Variants in NFU1 observed in about 807,000 individuals in gnomAD.
NFU1 encodes NFU1 iron-sulfur cluster scaffold.
A neutral mutation model predicts 32.2 loss-of-function variants in NFU1; 30 were observed. The observed-to-expected ratio is 0.93, with a 90% CI of 0.70 to 1.26. The LOEUF is 1.26. NFU1 is among the 50% of genes most tolerant of loss of function. NFU1 has a pLI of 0.00. For missense variants in NFU1, 306 were observed against 306.6 expected, an observed-to-expected ratio of 1.00 and a Z score of 0.02; for synonymous variants, 112 against 104.6, an observed-to-expected ratio of 1.07 and a Z score of -0.43.
intron 2 of NFU1, among the ~76,000 whole-genome samples, chr2:69,427,974 G>A (rs1164556727): frequency 6.6e-6 from 1 of 152,118 alleles, no homozygotes; most frequent in African/African-American, 2.4e-5. Context: ...AGTGAACCAA[G>A]ATTGCGCCAT....
intron 3 of NFU1, among the ~76,000 whole-genome samples, chr2:69,420,975 G>A (rs1673219307): frequency 6.6e-6 from 1 of 152,106 alleles, no homozygotes; most frequent in Admixed American, 6.6e-5. Context: ...AAGCCGAGAA[G>A]GACAGAACAC....
At chr2:69,437,472 G>A, upstream of NFU1, 1 of 1,589,668 alleles carries the variant, frequency 6.3e-7, no homozygotes, top group Non-Finnish European at 8.5e-7. Flanking sequence ...CGAAAGATCT[G>A]CGCAGCCGCA....
intron 2 of NFU1, among the ~76,000 whole-genome samples, chr2:69,426,168 C>G (rs1333485159): frequency 6.6e-6 from 1 of 152,154 alleles, no homozygotes; most frequent in Non-Finnish European, 1.5e-5. Context: ...GAAGGGGTTT[C>G]ATCATGTTGG....
At chr2:69,399,747 A>G (rs1451388894) in intron 7 of NFU1, among the ~76,000 whole-genome samples, 2 of 152,236 alleles carry the variant, frequency 1.3e-5, no homozygotes, top group Non-Finnish European at 2.9e-5. Flanking sequence ...TCAGGGCAGC[A>G]ATATGCCCTC....
intron 6 of NFU1, among the ~76,000 whole-genome samples, chr2:69,402,675 G>A (rs55851539): frequency 0.13 from 19,804 of 151,766 alleles, 1,429 homozygotes; most frequent in Non-Finnish European, 0.16. Context: ...TCCGCCTCCC[G>A]GGTTCAAGGG....
chr2:69,433,465 A>G (rs1197848607), intron 1 of NFU1, among the ~76,000 whole-genome samples: 2 of 148,182 alleles, frequency 1.3e-5, no homozygotes, highest in African/African-American at 5.0e-5. Flanking sequence ...CAGGCATGAG[A>G]CACCACACCT....
chr2:69,427,123 C>CG (rs1284787281), intron 2 of NFU1, among the ~76,000 whole-genome samples: 6 of 150,938 alleles, frequency 4.0e-5, no homozygotes, highest in African/African-American at 1.5e-4. Flanking sequence ...TGGTGGCTCA[C>CG]GCCTATAATC....
At chr2:69,438,620 T>G (rs1673938897), upstream of NFU1, among the ~76,000 whole-genome samples, 1 of 152,108 alleles carries the variant, frequency 6.6e-6, no homozygotes, top group African/African-American at 2.4e-5. Context: ...AGAATCACTG[T>G]TCTGGAAGAC....
At position 69,437,391 on chromosome 2, in the gene NFU1, G is replaced by C. The variant is rs1673885359; in HGVS notation, c.32C>G (p.Ala11Gly). MAATARRGWG[A>G]AAVAAGLRRR... ...GCGCAGCCCGGCGGCAACAGCCGCA[G>C]CTCCCCAGCCCCGCCTGGCCGTCGC... The change falls in exon 1 of 8, where the codon GCT becomes GGT. Residue 11 changes from alanine (A) to glycine (G), a missense_variant. By Grantham distance (60) the Ala-to-Gly change is moderately conservative (BLOSUM62 0). Transcript: ENST00000410022. 1.2e-6 allele frequency: 2 copies of C among 1,609,750 alleles called. No homozygotes were observed. The highest frequency in any genetic ancestry group is 1.3e-5 in the African/African-American group (1 of 75,036).
At chr2:69,399,571 G>A (rs1198321995) in intron 7 of NFU1, among the ~76,000 whole-genome samples, 1 of 133,678 alleles carries the variant, frequency 7.5e-6, no homozygotes, top group South Asian at 2.3e-4. Context: ...CTGAGGCCAG[G>A]AATTCAAGAC....
chr2:69,406,401 A>T (rs1276657272), intron 5 of NFU1, among the ~76,000 whole-genome samples: 1 of 146,572 alleles, frequency 6.8e-6, no homozygotes, highest in East Asian at 2.0e-4. Flanking sequence ...CTCTGTTCTC[A>T]AGGATTGAAA....
intron 6 of NFU1, among the ~76,000 whole-genome samples, chr2:69,402,885 T>C (rs1210119054): frequency 6.6e-6 from 1 of 151,972 alleles, no homozygotes; most frequent in Non-Finnish European, 1.5e-5. Context: ...GCCCGGTCTT[T>C]ATCTGATTTC....
In NFU1 at chr2:69,404,615, A is replaced by ATATTTTTTTTTTTTTTTTTTTTTT. The variant is rs1426118283; in HGVS notation, c.545+1406_545+1407insAAAAAAAAAAAAAAAAAAAAAATA. Among the ~76,000 whole-genome samples, 13 of 73,008 alleles carry ATATTTTTTTTTTTTTTTTTTTTTT rather than the reference A, an allele frequency of 1.8e-4. 1 individual carries two copies. Among genetic ancestry groups the ATATTTTTTTTTTTTTTTTTTTTTT allele is most frequent in the African/African-American group, 3.8e-4 (6 of 15,912 alleles). The allele number at this position is 73,008 out of a possible 152,430, so 47.9% of individuals were successfully genotyped here. On this transcript the variant is annotated intron_variant, in intron 6 of 7. Coordinates refer to ENST00000410022, the MANE Select transcript of NFU1 (RefSeq NM_001002755.4). ...CACTTAATAACTACTATCTTAGCAA[A>ATATTTTTTTTTTTTTTTTTTTTTT]TTTTTTTTTTTTTTTTTTTTTTTGA...
chr2:69,417,083 C>A (rs1266231944), intron 4 of NFU1, among the ~76,000 whole-genome samples: 1 of 151,620 alleles, frequency 6.6e-6, no homozygotes, highest in African/African-American at 2.4e-5. Flanking sequence ...AAATAGCAGG[C>A]TCTACTAAAT....
chr2:69,437,460 C>G (rs555349876), upstream of NFU1: 2 of 1,601,964 alleles, frequency 1.2e-6, no homozygotes, highest in Non-Finnish European at 1.7e-6. Flanking sequence ...CTGACAGAAC[C>G]ACGAAAGATC....
intron 3 of NFU1, among the ~76,000 whole-genome samples, chr2:69,423,102 G>A (rs569748665): frequency 6.3e-5 from 9 of 143,034 alleles, no homozygotes; most frequent in African/African-American, 2.3e-4. Context: ...TCAGCCTTCT[G>A]AGTAGCTGAG....
intron 3 of NFU1, among the ~76,000 whole-genome samples, chr2:69,422,535 G>A (rs1177482766): frequency 1.3e-5 from 2 of 151,996 alleles, no homozygotes; most frequent in African/African-American, 4.8e-5. Flanking sequence ...AATAAAATAA[G>A]CAAGTTCTCA....
At chr2:69,410,688 TATG>T (rs1672850792) in intron 5 of NFU1, 1 of 152,206 alleles carries the variant, frequency 6.6e-6, no homozygotes. Flanking sequence ...AAGAACGCTT[TATG>T]ATAACAAAAC....
intron 4 of NFU1, among the ~76,000 whole-genome samples, chr2:69,416,672 G>T (rs1673065561): frequency 6.6e-6 from 1 of 152,132 alleles, no homozygotes; most frequent in Admixed American, 6.6e-5. Context: ...GCCGAGGCGG[G>T]TGGATCACCT....
Sources: allele counts gnomAD v4.1 joint callset (sites outside exome capture counted in the v4.1 genomes callset), GRCh38; gene constraint gnomAD v4.1.1; transcripts MANE v1.5; gene names NCBI Gene and HGNC (gene_info 2026-07-23, HGNC 2026-07-21).